The following KDM5B variants were observed in gnomAD, a reference collection of about 807,000 sequenced individuals.
KDM5B encodes the protein lysine-specific demethylase 5B.
In KDM5B, 144 loss-of-function variants were observed where a neutral mutation model predicts 193.4. That is an observed-to-expected ratio of 0.74 (90% CI 0.65 to 0.86). The LOEUF is 0.86. Ranked by LOEUF, KDM5B falls within the 40% of genes least tolerant of loss-of-function variation. KDM5B has a pLI of 0.00. For synonymous variants in KDM5B, 668 were observed against 682.6 expected, an observed-to-expected ratio of 0.98 and a Z score of 0.33; for missense variants, 1,833 against 1,886.9, an observed-to-expected ratio of 0.97 and a Z score of 0.53.
intron 11 of KDM5B, 119 bp from the exon 12 acceptor site, chr1:202,753,186 T>G (rs1398311695): frequency 6.2e-6 from 5 of 807,022 alleles, no homozygotes; most frequent in Non-Finnish European, 7.8e-6. Flanking sequence ...ATCCACAAAC[T>G]GACGAAATAT....
At chr1:202,768,120 A>G (rs1558502358) in intron 4 of KDM5B, among the ~76,000 whole-genome samples, 1 of 152,182 alleles carries the variant, frequency 6.6e-6, no homozygotes, top group Non-Finnish European at 1.5e-5. Context: ...GCAAAGATCA[A>G]CGGGTAGCCC....
chr1:202,781,210 G>T (rs1236409113), intron 1 of KDM5B, among the ~76,000 whole-genome samples: 1 of 152,280 alleles, frequency 6.6e-6, no homozygotes, highest in East Asian at 1.9e-4. Flanking sequence ...AAGGCAGGAG[G>T]ATGACTTAAG....
chr1:202,748,657 C>T (rs1472132504), intron 14 of KDM5B, among the ~76,000 whole-genome samples: 3 of 152,040 alleles, frequency 2.0e-5, no homozygotes, highest in African/African-American at 7.3e-5. Flanking sequence ...TAGCTTGAAC[C>T]CAGGAGTTTG....
At position 202,773,172 on chromosome 1, in the gene KDM5B, A is replaced by G; in HGVS notation, c.522T>C (p.His174=). ...GKAVGSHIRG[H]YERILNPYNL... is the part of the protein sequence containing the mutation. Reference sequence around the variant, plus strand: ...TGTAGGGGTTGAGAATTCGTTCATAATGCCCTCTGATATGTGAGCCCACTG... The same window carrying G: ...TGTAGGGGTTGAGAATTCGTTCATAGTGCCCTCTGATATGTGAGCCCACTG... The change falls in exon 4 of 27, where the codon CAT becomes CAC. Residue 174 remains histidine (H), a synonymous_variant. Coordinates refer to ENST00000367265, the MANE Select transcript of KDM5B (RefSeq NM_006618.5). 6.2e-7 allele frequency: 1 copy of G among 1,613,754 alleles called. No homozygotes were observed. The highest frequency in any genetic ancestry group is 1.7e-5 in the Admixed American group (1 of 60,000).
chr1:202,785,904 C>A (rs1657390837), intron 1 of KDM5B, among the ~76,000 whole-genome samples: 2 of 139,720 alleles, frequency 1.4e-5, no homozygotes, highest in South Asian at 4.4e-4. Context: ...AGCAAGACTC[C>A]CAATTAAAAA....
intron 14 of KDM5B, among the ~76,000 whole-genome samples, chr1:202,748,532 C>T (rs1227375394): frequency 6.7e-6 from 1 of 150,240 alleles, no homozygotes; most frequent in East Asian, 1.9e-4. Context: ...AACTGGTATG[C>T]AGAATACATA....
chr1:202,742,723 T>C lies in KDM5B; in HGVS notation c.2406A>G (p.Leu802=). The change falls in exon 17 of 27, where the codon CTA becomes CTG. Residue 802 remains leucine (L), a synonymous_variant. Coordinates refer to ENST00000367265, the MANE Select transcript of KDM5B (RefSeq NM_006618.5). ...CACACTTCTCTGCATCCTGTGTGAC[T>C]AGGCGAAGGTGTCGCAAAAGATCAT... is the stretch of plus-strand genomic sequence containing the variant. ...PDNDLLRHLR[L]VTQDAEKCAS... The C allele has an allele frequency of 6.2e-7, 1 of 1,614,220 alleles. No homozygotes were observed. The highest frequency in any genetic ancestry group is 1.1e-5 in the South Asian group (1 of 91,088).
At chr1:202,780,569 C>T (rs1292941055) in intron 1 of KDM5B, among the ~76,000 whole-genome samples, 1 of 152,122 alleles carries the variant, frequency 6.6e-6, no homozygotes, top group East Asian at 1.9e-4. Flanking sequence ...AAAGGAAATT[C>T]ACTGCAAAAT....
At chr1:202,788,773 T>C (rs11576811) in intron 1 of KDM5B, among the ~76,000 whole-genome samples, 33,275 of 152,202 alleles carry the variant, frequency 0.22, 4,401 homozygotes, top group Non-Finnish European at 0.3. Flanking sequence ...ATCAAGTATA[T>C]ATAATTTCAC....
chr1:202,802,722 C>T (rs932666526), intron 1 of KDM5B, among the ~76,000 whole-genome samples: 2 of 152,032 alleles, frequency 1.3e-5, no homozygotes, highest in East Asian at 1.9e-4. Flanking sequence ...GAGAAAATTC[C>T]CCCACTGGCA....
chr1:202,731,866 G>C lies in KDM5B; in HGVS notation c.3983C>G (p.Ser1328Cys). The change falls in exon 24 of 27, where the codon TCC (serine) becomes TGC (cysteine). Residue 1328 changes from serine (S) to cysteine (C), a missense_variant. Coordinates refer to ENST00000367265, the MANE Select transcript of KDM5B (RefSeq NM_006618.5). ...DWDNRTSYLH[S>C]PFSTGRSCIP... ...ACAACTTCGTCCAGTTGAGAAGGGG[G>C]AGTGCAAATATGAGGTTCTGTTGTC... 6.2e-7 allele frequency: 1 copy of C among 1,613,632 alleles called. No individual in the cohort carries two copies. The highest frequency in any genetic ancestry group is 8.5e-7 in the Non-Finnish European group (1 of 1,179,704).
intron 1 of KDM5B, among the ~76,000 whole-genome samples, chr1:202,786,985 T>C (rs776801250): frequency 2.6e-5 from 4 of 152,328 alleles, no homozygotes; most frequent in Non-Finnish European, 2.9e-5. Context: ...TTATTCCTAC[T>C]GAGTCATGTC....
chr1:202,744,166 G>A (rs1226872354), intron 16 of KDM5B, among the ~76,000 whole-genome samples: 2 of 152,128 alleles, frequency 1.3e-5, no homozygotes, highest in Non-Finnish European at 2.9e-5. Flanking sequence ...AGTAGGCAAA[G>A]GATATGAAAA....
At chr1:202,729,201 T>C (rs1654782891) in intron 26 of KDM5B, 28 bp from the exon 27 acceptor site, 2 of 1,612,368 alleles carry the variant, frequency 1.2e-6, no homozygotes, top group South Asian at 1.1e-5. Flanking sequence ...GAAGATGGGG[T>C]TTTCAGAGGA....
Position 202,756,534 on chromosome 1 carries a change from A to G in KDM5B, c.1198-18T>C, listed in dbSNP as rs767616563. Reference sequence around the variant, plus strand: ...GGGACCATCTGGAAATACAAGGAATAGAAAAAATGAGTTTCCTCACAAACT... The same window carrying G: ...GGGACCATCTGGAAATACAAGGAATGGAAAAAATGAGTTTCCTCACAAACT... On this transcript the variant is annotated intron_variant, in intron 9 of 26. Transcript: ENST00000367265. The G allele has an allele frequency of 6.4e-7, 1 of 1,557,016 alleles. No individual in the cohort carries two copies. The highest frequency in any genetic ancestry group is 2.3e-5 in the East Asian group (1 of 43,814).
At chr1:202,743,494 A>G (rs919543336) in intron 16 of KDM5B, among the ~76,000 whole-genome samples, 1 of 152,230 alleles carries the variant, frequency 6.6e-6, no homozygotes, top group Non-Finnish European at 1.5e-5. Flanking sequence ...GTGAGTAACT[A>G]GTGTGCTCAG....
At chr1:202,735,032 G>A (rs1655042273) in intron 22 of KDM5B, among the ~76,000 whole-genome samples, 1 of 152,242 alleles carries the variant, frequency 6.6e-6, no homozygotes, top group Non-Finnish European at 1.5e-5. Flanking sequence ...GGTCAGAGAT[G>A]TAAGGTATTC....
intron 4 of KDM5B, 151 bp downstream of exon 4, chr1:202,772,967 G>A: frequency 1.7e-6 from 1 of 574,500 alleles, no homozygotes; most frequent in Non-Finnish European, 3.0e-6. Context: ...AAAGTGTTGG[G>A]ATTACAGGAG....
intron 1 of KDM5B, among the ~76,000 whole-genome samples, chr1:202,793,679 T>C (rs1469974921): frequency 2.0e-5 from 3 of 152,244 alleles, no homozygotes; most frequent in South Asian, 4.1e-4. Context: ...CTTGAAGTTT[T>C]CATTTCCTAG....
Sources: allele counts gnomAD v4.1 joint callset (sites outside exome capture counted in the v4.1 genomes callset), GRCh38; gene constraint gnomAD v4.1.1; transcripts MANE v1.5; gene names NCBI Gene and HGNC (gene_info 2026-07-23, HGNC 2026-07-21).